Variants in CYS1 observed in about 807,000 individuals in gnomAD.
CYS1 encodes the protein cystin-1.
A neutral mutation model predicts 9.6 loss-of-function variants in CYS1; 5 were observed. The ratio of observed to expected loss-of-function variants is 0.52; its 90% CI spans 0.27 to 1.10. The LOEUF (loss-of-function observed/expected upper bound fraction) is 1.10, where lower values mean the gene tolerates loss of function less well. Among genes scored for constraint, CYS1 ranks in the 50% least tolerant of loss-of-function variants. The pLI, the probability that CYS1 is intolerant of heterozygous loss-of-function variation, is 0.11. For synonymous variants in CYS1, 88 were observed against 95.7 expected, an observed-to-expected ratio of 0.92 and a Z score of 0.47; for missense variants, 221 against 207.9, an observed-to-expected ratio of 1.06 and a Z score of -0.39.
Position 10,072,850 on chromosome 2 carries a change from AGGTGGAGGAGC to A in CYS1, c.319-6905_319-6895del, listed in dbSNP as rs1219184806. 2.7e-5 allele frequency among the ~76,000 whole-genome samples: 4 copies of A among 150,002 alleles called. No individual in the cohort carries two copies. The South Asian group carries it at 8.6e-4, about 32-fold the overall frequency. ...GCAGGCAGCAGAAGCTGAGCAGTGCAGGTGGAGGAGCGGTGGGGGAGCGGTGCAGGCAGGCT... is the reference window on the plus strand; with the variant it reads ...GCAGGCAGCAGAAGCTGAGCAGTGCAGGTGGGGGAGCGGTGCAGGCAGGCT... On this transcript the variant is annotated intron_variant, in intron 1 of 2. Coordinates refer to ENST00000381813, the MANE Select transcript of CYS1 (RefSeq NM_001037160.3).
At chr2:10,064,930 C>T (rs1661675754) in intron 2 of CYS1, among the ~76,000 whole-genome samples, 1 of 150,010 alleles carries the variant, frequency 6.7e-6, no homozygotes, top group Non-Finnish European at 1.5e-5. Flanking sequence ...TTAGTAGAGA[C>T]AGGGTTTCAC....
Position 10,076,802 on chromosome 2 carries a change from C to T in CYS1, c.318+3104G>A, listed in dbSNP as rs1410480583. ...CTTCCTAAGCACACGCTGGCAGCAT[C>T]GTCACTGGTGATCCCATCTAATCTC... On this transcript the variant is annotated intron_variant, in intron 1 of 2. Transcript: ENST00000381813. The surrounding 1 kb of genome is among the most constrained non-coding windows in gnomAD (Gnocchi z 4.3). 1.3e-5 allele frequency among the ~76,000 whole-genome samples: 2 copies of T among 152,166 alleles called. No homozygotes were observed. The highest frequency in any genetic ancestry group is 2.1e-4 in the South Asian group (1 of 4,826).
intron 1 of CYS1, among the ~76,000 whole-genome samples, chr2:10,071,246 C>A (rs547084342): frequency 1.3e-5 from 2 of 152,184 alleles, no homozygotes; most frequent in Admixed American, 6.5e-5. Flanking sequence ...GGATTACAGG[C>A]GTGAGCCACC....
At chr2:10,067,148 T>G (rs1661709018) in intron 1 of CYS1, among the ~76,000 whole-genome samples, 1 of 152,152 alleles carries the variant, frequency 6.6e-6, no homozygotes, top group African/African-American at 2.4e-5. Flanking sequence ...CCTGAGTAGC[T>G]GGGATTACAG....
intron 1 of CYS1, among the ~76,000 whole-genome samples, chr2:10,078,678 C>T (rs13400445): frequency 6.6e-6 from 1 of 152,202 alleles, no homozygotes; most frequent in Non-Finnish European, 1.5e-5. Flanking sequence ...CCTTTTGATA[C>T]GGATCTCTCA....
In CYS1 at chr2:10,058,411, C is replaced by G. The variant is rs74416754; in HGVS notation, c.*442G>C. The stretch of plus-strand genomic sequence containing the variant: ...CCGGCCACCCCTGGAGAGATGGGCC[C>G]GAGACTGAGGGAGCAGCGCGGGTGC... On this transcript the variant is annotated 3_prime_UTR_variant, in exon 3 of 3. Transcript: ENST00000381813. The G allele has an allele frequency of 0.083, 13,168 of 158,196 alleles. 705 individuals are homozygous for G. The highest frequency in any genetic ancestry group is 0.12 in the Non-Finnish European group (8,451 of 71,698). 9.8% of individuals were successfully genotyped at this position (158,196 alleles called of 1,614,324 possible). A position where few individuals can be genotyped will look rare whatever the true frequency, so the allele number is the denominator to read the frequency against.
chr2:10,059,083 G>A (rs1338416949), intron 2 of CYS1, 125 bp from the exon 3 acceptor site: 4 of 842,132 alleles, frequency 4.7e-6, no homozygotes, highest in Admixed American at 2.1e-5. Flanking sequence ...TCTTTGCCCT[G>A]GGACACCCTG....
Position 10,080,296 on chromosome 2 carries a change from G to T in CYS1, c.-73C>A. ...GCGCGGCCGGGGGCGGGGACGCTAG[G>T]GGGTGCGGCCGGGGCGGGCTGCAGG... On this transcript the variant is annotated 5_prime_UTR_variant, in exon 1 of 3. Coordinates refer to ENST00000381813, the MANE Select transcript of CYS1 (RefSeq NM_001037160.3). This position sits in a 1 kb window ranked among gnomAD's most constrained non-coding sequence, Gnocchi z 6.4. 2 of 952,150 alleles carry T rather than the reference G, an allele frequency of 2.1e-6. No individual in the cohort carries two copies. The highest frequency in any genetic ancestry group is 3.6e-5 in the African/African-American group (2 of 56,284). The allele number at this position is 952,150 out of a possible 1,614,324, so 59.0% of individuals were successfully genotyped here. A position where few individuals can be genotyped will look rare whatever the true frequency, so the allele number is the denominator to read the frequency against.
chr2:10,068,596 ACTT>A (rs112656335), intron 1 of CYS1, among the ~76,000 whole-genome samples: 17,020 of 152,184 alleles, frequency 0.11, 998 homozygotes, highest in Middle Eastern at 0.23. Flanking sequence ...TGAGCTTACA[ACTT>A]CCTAGAGCTT....
chr2:10,064,257 T>C (rs908010849), intron 2 of CYS1, among the ~76,000 whole-genome samples: 2 of 151,948 alleles, frequency 1.3e-5, no homozygotes, highest in African/African-American at 2.4e-5. Context: ...AATAAATAAA[T>C]AAATAAGTAT....
intron 1 of CYS1, among the ~76,000 whole-genome samples, chr2:10,075,777 C>T (rs187507203): frequency 1.3e-5 from 2 of 152,282 alleles, no homozygotes; most frequent in Non-Finnish European, 2.9e-5. Context: ...CACTATTGCC[C>T]GAGACTCTCT....
intron 1 of CYS1, among the ~76,000 whole-genome samples, chr2:10,072,869 G>A (rs1279868785): frequency 6.6e-6 from 1 of 152,082 alleles, no homozygotes; most frequent in East Asian, 1.9e-4. Flanking sequence ...AGCGGTGGGG[G>A]AGCGGTGCAG....
rs1411528420 is a variant in CYS1, at chr2:10,063,800, TGACC to T, written c.371+2100_371+2103del. 8.5e-5 allele frequency among the ~76,000 whole-genome samples: 13 copies of T among 152,208 alleles called. No homozygotes were observed. Among genetic ancestry groups the T allele is most frequent in the African/African-American group, 3.1e-4 (13 of 41,458 alleles). On this transcript the variant is annotated intron_variant, in intron 2 of 2. Transcript: ENST00000381813. This position sits in a 1 kb window ranked among gnomAD's most constrained non-coding sequence, Gnocchi z 4.2. ...GGTACAGGGCAGATGCTGCCAGCCC[TGACC>T]CTGGGGCAGGACTGCTGGGACCTGG...
At chr2:10,077,552 C>T (rs1661867491) in intron 1 of CYS1, among the ~76,000 whole-genome samples, 1 of 152,212 alleles carries the variant, frequency 6.6e-6, no homozygotes, top group Non-Finnish European at 1.5e-5. Flanking sequence ...TGGCCGGGTG[C>T]AGTGGCTCAC....
At chr2:10,059,747 G>A (rs966359586) in intron 2 of CYS1, among the ~76,000 whole-genome samples, 1 of 152,230 alleles carries the variant, frequency 6.6e-6, no homozygotes, top group Non-Finnish European at 1.5e-5. Context: ...GCTGCTTGCC[G>A]ACATCGGTCC....
intron 1 of CYS1, among the ~76,000 whole-genome samples, chr2:10,068,754 A>C (rs1314084413): frequency 1.3e-5 from 2 of 152,220 alleles, no homozygotes; most frequent in African/African-American, 4.8e-5. Flanking sequence ...CAAACATTTA[A>C]AGGGGGAGGG....
At chr2:10,070,337 GT>G (rs1015158656) in intron 1 of CYS1, among the ~76,000 whole-genome samples, 3 of 152,110 alleles carry the variant, frequency 2.0e-5, no homozygotes, top group Non-Finnish European at 4.4e-5. Context: ...TGGAGAACCT[GT>G]TTTATTTTTA....
chr2:10,065,439 G>A (rs910288416), intron 2 of CYS1, among the ~76,000 whole-genome samples: 5 of 152,154 alleles, frequency 3.3e-5, no homozygotes, highest in Non-Finnish European at 5.9e-5. Flanking sequence ...TTTTAAAGGA[G>A]GAAATGAGCC....
At chr2:10,066,085 A>G in intron 1 of CYS1, 129 bp from the exon 2 acceptor site, 1 of 1,010,448 alleles carries the variant, frequency 9.9e-7, no homozygotes, top group Non-Finnish European at 1.5e-6. Flanking sequence ...CGGAGCGGAA[A>G]GGCTCTCGAG....
Sources: allele counts gnomAD v4.1 joint callset (sites outside exome capture counted in the v4.1 genomes callset), GRCh38; gene constraint gnomAD v4.1.1; non-coding constraint Gnocchi (gnomAD v3.1); transcripts MANE v1.5; gene names NCBI Gene and HGNC (gene_info 2026-07-23, HGNC 2026-07-21).